ALDH1A1: variants seen among roughly 807,000 people sequenced by gnomAD.
ALDH1A1 encodes the protein aldehyde dehydrogenase 1A1.
Under a neutral mutation model 62.1 loss-of-function variants are expected in ALDH1A1, and 19 were observed. The ratio of observed to expected loss-of-function variants is 0.31; its 90% CI spans 0.21 to 0.45. The LOEUF (loss-of-function observed/expected upper bound fraction) is 0.45. ALDH1A1 is among the 20% of genes least tolerant of loss of function. The pLI is 1.00. For missense variants in ALDH1A1, 521 were observed against 607.1 expected (o/e 0.86, Z 1.49); for synonymous variants, 231 against 215.9 (o/e 1.07, Z -0.61).
chr9:72,909,264 C>T (rs1829948670), intron 11 of ALDH1A1, among the ~76,000 whole-genome samples: 1 of 142,732 alleles, frequency 7.0e-6, no homozygotes, highest in South Asian at 2.4e-4. Flanking sequence ...CAGGCTCAAG[C>T]AATTCTCCTG....
intron 11 of ALDH1A1, among the ~76,000 whole-genome samples, chr9:72,908,442 A>T (rs1829907225): frequency 8.4e-6 from 1 of 119,594 alleles, no homozygotes; most frequent in African/African-American, 2.9e-5. Flanking sequence ...CTCAAAAAAA[A>T]AAAAAAAAAA....
intron 3 of ALDH1A1, 40 bp from the exon 4 acceptor site, chr9:72,929,061 GT>G: frequency 7.1e-7 from 1 of 1,400,426 alleles, no homozygotes. Flanking sequence ...AATTCCATAA[GT>G]TTTAGATTAA....
At chr9:72,908,278 T>C (rs1263942737) in intron 11 of ALDH1A1, among the ~76,000 whole-genome samples, 1 of 149,382 alleles carries the variant, frequency 6.7e-6, no homozygotes, top group East Asian at 2.0e-4. Context: ...AAAAACAAAA[T>C]ACAAAGATTA....
rs939153598 is a variant in ALDH1A1, at chr9:72,917,097, A to G, written c.858T>C (p.Asn286=). 10 of 1,583,372 alleles carry G rather than the reference A, an allele frequency of 6.3e-6. No homozygotes were observed. The highest frequency in any genetic ancestry group is 2.4e-5 in the South Asian group (2 of 84,872). The change falls in exon 9 of 13, where the codon AAT becomes AAC. Residue 286 remains asparagine, a synonymous_variant. Coordinates refer to ENST00000297785, the MANE Select transcript of ALDH1A1 (RefSeq NM_000689.5). ...CIVLADADLD[N]AVEFAHHGVF... ...CCCCATGGTGTGCAAATTCAACAGCATTGTCCACTGCGAAGAAGACATTCA... is the reference window on the plus strand; with the variant it reads ...CCCCATGGTGTGCAAATTCAACAGCGTTGTCCACTGCGAAGAAGACATTCA...
chr9:72,932,457 G>T (rs922005380), intron 2 of ALDH1A1, among the ~76,000 whole-genome samples: 5 of 152,128 alleles, frequency 3.3e-5, no homozygotes, highest in African/African-American at 1.2e-4. Context: ...AAAATAATAT[G>T]ATCTGGGGCA....
At chr9:72,915,233 T>G (rs1379462054) in intron 9 of ALDH1A1, among the ~76,000 whole-genome samples, 1 of 152,188 alleles carries the variant, frequency 6.6e-6, no homozygotes, top group Non-Finnish European at 1.5e-5. Flanking sequence ...TAAGTCTATT[T>G]TAACTTCCTT....
chr9:72,945,667 A>G (rs1172422996), intron 1 of ALDH1A1, among the ~76,000 whole-genome samples: 1 of 151,924 alleles, frequency 6.6e-6, no homozygotes, highest in African/African-American at 2.4e-5. Flanking sequence ...GGAGATGAAT[A>G]ATGAGGAGGA....
intron 2 of ALDH1A1, 38 bp from the exon 3 acceptor site, chr9:72,931,057 A>C (rs754187126): frequency 5.0e-6 from 8 of 1,612,356 alleles, no homozygotes; most frequent in Non-Finnish European, 6.8e-6. Flanking sequence ...TAAGCTAAAC[A>C]TATTAGGCAA....
chr9:72,903,876 C>T (rs141053696), intron 12 of ALDH1A1, among the ~76,000 whole-genome samples: 273 of 152,180 alleles, frequency 1.8e-3, no homozygotes, highest in Non-Finnish European at 3.1e-3. Flanking sequence ...AGGCCAGAAA[C>T]GAACCAACTG....
chr9:72,949,973 G>A (rs1051437197), intron 1 of ALDH1A1, among the ~76,000 whole-genome samples: 3 of 151,810 alleles, frequency 2.0e-5, no homozygotes, highest in Non-Finnish European at 1.5e-5. Flanking sequence ...ACTTCACTCT[G>A]ATGCAATCTT....
chr9:72,904,478 TACTA>T (rs1410577371), intron 12 of ALDH1A1, among the ~76,000 whole-genome samples: 1 of 152,136 alleles, frequency 6.6e-6, no homozygotes, highest in Non-Finnish European at 1.5e-5. Context: ...CCCTCTTCTC[TACTA>T]ACTGATATCC....
intron 3 of ALDH1A1, among the ~76,000 whole-genome samples, chr9:72,930,059 T>G (rs914615639): frequency 2.0e-5 from 3 of 152,222 alleles, no homozygotes; most frequent in African/African-American, 7.2e-5. Flanking sequence ...ATGCTAATGT[T>G]GATTTTTTAA....
intron 1 of ALDH1A1, among the ~76,000 whole-genome samples, chr9:72,949,877 G>T (rs1316604803): frequency 6.6e-6 from 1 of 151,082 alleles, no homozygotes; most frequent in East Asian, 1.9e-4. Context: ...TAAAACAACA[G>T]TATTGTGAAG....
At chr9:72,931,408 A>G (rs1283570245) in intron 2 of ALDH1A1, among the ~76,000 whole-genome samples, 1 of 152,214 alleles carries the variant, frequency 6.6e-6, no homozygotes, top group Non-Finnish European at 1.5e-5. Flanking sequence ...AACTAAAGCA[A>G]AGAGAGACGG....
At chr9:72,950,335 G>T (rs1002927843) in intron 1 of ALDH1A1, among the ~76,000 whole-genome samples, 2 of 151,834 alleles carry the variant, frequency 1.3e-5, no homozygotes, top group African/African-American at 4.8e-5. Context: ...TCATTTAAAG[G>T]CTCAATAAAA....
At chr9:72,911,498 A>G (rs1004789079) in intron 10 of ALDH1A1, among the ~76,000 whole-genome samples, 3 of 152,000 alleles carry the variant, frequency 2.0e-5, no homozygotes, top group East Asian at 1.9e-4. Flanking sequence ...TTTGACCAAC[A>G]TTTCCCAACC....
chr9:72,914,545 T>C (rs1830036087), intron 9 of ALDH1A1, among the ~76,000 whole-genome samples: 1 of 152,138 alleles, frequency 6.6e-6, no homozygotes, highest in African/African-American at 2.4e-5. Flanking sequence ...TCCACACTAT[T>C]ATAAGGTGCT....
intron 9 of ALDH1A1, among the ~76,000 whole-genome samples, chr9:72,913,868 G>A (rs1290331808): frequency 6.6e-6 from 1 of 152,328 alleles, no homozygotes; most frequent in Middle Eastern, 3.4e-3. Context: ...GGAACACTGT[G>A]GTGGAGCTTG....
chr9:72,908,766 T>C (rs554385862), intron 11 of ALDH1A1, among the ~76,000 whole-genome samples: 15 of 152,182 alleles, frequency 9.9e-5, no homozygotes, highest in African/African-American at 3.4e-4. Context: ...GACTGACAGC[T>C]GAGTACAGAA....
Sources: gnomAD v4.1 joint callset for allele counts (sites outside exome capture counted in the v4.1 genomes callset) on GRCh38, gnomAD v4.1.1 for gene constraint, MANE v1.5 for transcripts, NCBI Gene and HGNC (gene_info 2026-07-23, HGNC 2026-07-21) for gene names.